CHD9: variants seen among roughly 807,000 people sequenced by gnomAD.
CHD9 encodes the protein chromodomain helicase DNA binding protein 9.
CHD9 carries 77 observed loss-of-function variants against 316.1 expected under a neutral mutation model. The observed-to-expected ratio is 0.24, with a 90% CI of 0.20 to 0.29. The LOEUF (loss-of-function observed/expected upper bound fraction) is 0.29, where lower values mean the gene tolerates loss of function less well. CHD9 is among the 10% of genes least tolerant of loss of function. CHD9 has a pLI of 1.00. For missense variants in CHD9, 2,763 were observed against 3,438.1 expected (o/e 0.80, Z 4.91); for synonymous variants, 1,129 against 1,158.3 (o/e 0.97, Z 0.51).
intron 34 of CHD9, chr16:53,310,968 C>T (rs2056430287): frequency 6.6e-6 from 1 of 151,552 alleles, no homozygotes; most frequent in South Asian, 2.1e-4. Context: ...AGGAGGATTG[C>T]CTGAGTCCAG....
At chr16:53,163,547 T>C (rs62048022) in intron 2 of CHD9, among the ~76,000 whole-genome samples, 42,370 of 152,148 alleles carry the variant, frequency 0.28, 5,991 homozygotes, top group Middle Eastern at 0.32. Flanking sequence ...ATTGAGATCA[T>C]ATAGTTCACA....
At chr16:53,199,087 C>T (rs1202920458) in intron 2 of CHD9, among the ~76,000 whole-genome samples, 1 of 151,840 alleles carries the variant, frequency 6.6e-6, no homozygotes, top group African/African-American at 2.4e-5. Flanking sequence ...AGTCCCAAGA[C>T]TGTCCTCACT....
intron 1 of CHD9, among the ~76,000 whole-genome samples, chr16:53,108,363 G>A (rs2152596942): frequency 6.6e-6 from 1 of 152,022 alleles, no homozygotes; most frequent in South Asian, 2.1e-4. Flanking sequence ...AATTTAGCCA[G>A]GTGCGGTGGT....
intron 1 of CHD9, among the ~76,000 whole-genome samples, chr16:53,057,361 A>AT (rs2032272016): frequency 6.6e-6 from 1 of 151,206 alleles, no homozygotes; most frequent in African/African-American, 2.4e-5. Flanking sequence ...AAAAAAAAAA[A>AT]GAGGAAAAAA....
intron 1 of CHD9, among the ~76,000 whole-genome samples, chr16:53,138,309 A>G (rs1206880807): frequency 1.3e-5 from 2 of 152,236 alleles, no homozygotes; most frequent in Non-Finnish European, 2.9e-5. Context: ...AGAAAAGCAG[A>G]TTTGAATTTC....
intron 24 of CHD9, among the ~76,000 whole-genome samples, chr16:53,279,349 G>A (rs1597791683): frequency 6.6e-6 from 1 of 152,136 alleles, no homozygotes; most frequent in South Asian, 2.1e-4. Flanking sequence ...ATCACACACT[G>A]GGGCCTGTCG....
chr16:53,270,449 G>T (rs1035382229), intron 22 of CHD9, among the ~76,000 whole-genome samples: 1 of 152,024 alleles, frequency 6.6e-6, no homozygotes, highest in African/African-American at 2.4e-5. Context: ...AGATACCTCT[G>T]TTAAATTAAA....
intron 1 of CHD9, among the ~76,000 whole-genome samples, chr16:53,119,295 T>A (rs2038560620): frequency 6.6e-6 from 1 of 152,112 alleles, no homozygotes; most frequent in Non-Finnish European, 1.5e-5. Flanking sequence ...AGAAGAAATA[T>A]AATTTTAAAA....
chr16:53,111,424 A>G (rs2037858119), intron 1 of CHD9, among the ~76,000 whole-genome samples: 1 of 152,200 alleles, frequency 6.6e-6, no homozygotes, highest in Non-Finnish European at 1.5e-5. Context: ...GAATTTCCTC[A>G]CTTTAAAAAT....
chr16:53,161,587 ATT>A (rs2041917469), intron 2 of CHD9, among the ~76,000 whole-genome samples: 1 of 152,186 alleles, frequency 6.6e-6, no homozygotes, highest in Admixed American at 6.5e-5. Flanking sequence ...AAGTGGCATA[ATT>A]TTTTAGTTTA....
intron 1 of CHD9, among the ~76,000 whole-genome samples, chr16:53,065,735 A>G (rs937008863): frequency 6.6e-6 from 1 of 150,412 alleles, no homozygotes; most frequent in Admixed American, 6.6e-5. Context: ...CAGAGTTTCC[A>G]CTACTCTGGA....
intron 13 of CHD9, among the ~76,000 whole-genome samples, chr16:53,244,232 G>A (rs1433998106): frequency 1.7e-5 from 2 of 117,782 alleles, no homozygotes; most frequent in Non-Finnish European, 3.3e-5. Flanking sequence ...TCACTCTGTT[G>A]CCCAGGCTGG....
rs1223921114 is a variant in CHD9, at chr16:53,156,507, C to T, written c.418C>T (p.Pro140Ser). 6 of 1,613,812 alleles carry T rather than the reference C, an allele frequency of 3.7e-6. No homozygotes were observed. In the South Asian group the frequency reaches 5.5e-5, roughly 15 times the overall value. ...ATTISNQNGS[P>S]FHQQGHSHSM... ...TACCATTTCAAATCAAAATGGATCT[C>T]CTTTTCACCAACAAGGACATTCACA... The change falls in exon 2 of 39, where the codon CCT (proline) becomes TCT (serine). Residue 140 changes from proline (P) to serine (S), a missense_variant. By Grantham distance (74) the Pro-to-Ser change is moderately conservative. Coordinates refer to ENST00000447540, the MANE Select transcript of CHD9 (RefSeq NM_001308319.2).
intron 1 of CHD9, among the ~76,000 whole-genome samples, chr16:53,124,467 ATTTTTTTTT>A (rs753476091): frequency 1.5e-4 from 15 of 96,956 alleles, no homozygotes; most frequent in African/African-American, 4.9e-4. Flanking sequence ...GTGAGACTTA[ATTTTTTTTT>A]TTTTTTTTTT....
At chr16:53,253,370 A>C (rs1444851477) in intron 17 of CHD9, among the ~76,000 whole-genome samples, 1 of 152,178 alleles carries the variant, frequency 6.6e-6, no homozygotes, top group African/African-American at 2.4e-5. Context: ...GTGTGTTCTC[A>C]CTCATAAGTG....
chr16:53,063,028 TAAAATAAAAAATA>T (rs2033089542), intron 1 of CHD9, among the ~76,000 whole-genome samples: 1 of 151,964 alleles, frequency 6.6e-6, no homozygotes. Context: ...CTCAAAAAAA[TAAAATAAAAAATA>T]AAAGAATTTT....
At position 53,197,107 on chromosome 16, in the gene CHD9, T is replaced by A. The variant is rs117935099; in HGVS notation, c.1453-12375T>A. 1.8e-3 allele frequency among the ~76,000 whole-genome samples: 268 copies of A among 151,876 alleles called. 7 individuals carry two copies. In the East Asian group the frequency reaches 0.04, roughly 23 times the overall value. Reference sequence around the variant, plus strand: ...GTTAATTGTGTTAAAAATAAGGGAGTAGAAGAGAGAAAAGGCTGAGATATA... The same window carrying A: ...GTTAATTGTGTTAAAAATAAGGGAGAAGAAGAGAGAAAAGGCTGAGATATA... On this transcript the variant is annotated intron_variant, in intron 2 of 38. Transcript: ENST00000447540.
intron 2 of CHD9, among the ~76,000 whole-genome samples, chr16:53,181,035 A>G (rs1597321315): frequency 6.9e-6 from 1 of 145,272 alleles, no homozygotes; most frequent in Non-Finnish European, 1.5e-5. Flanking sequence ...TTTGAGACAG[A>G]GTTTCGCTGT....
intron 2 of CHD9, among the ~76,000 whole-genome samples, chr16:53,188,593 G>C (rs2152821677): frequency 7.5e-6 from 1 of 132,912 alleles, no homozygotes; most frequent in Admixed American, 7.6e-5. Context: ...TGGGCTTACT[G>C]GTCATTACCT....
Sources: allele counts gnomAD v4.1 joint callset (sites outside exome capture counted in the v4.1 genomes callset), GRCh38; gene constraint gnomAD v4.1.1; transcripts MANE v1.5; gene names NCBI Gene and HGNC (gene_info 2026-07-23, HGNC 2026-07-21).